AARS1: variants seen among roughly 807,000 people sequenced by gnomAD.
AARS1 encodes alanyl-tRNA synthetase 1, also known as alanine--tRNA ligase, cytoplasmic.
In AARS1, 72 loss-of-function variants were observed where a neutral mutation model predicts 108.9. The observed-to-expected ratio is 0.66, with a 90% CI of 0.55 to 0.80. AARS1 has a LOEUF of 0.80. Among genes scored for constraint, AARS1 ranks in the 30% least tolerant of loss-of-function variants. The pLI is 0.00. For synonymous variants in AARS1, 489 were observed against 465.7 expected, an observed-to-expected ratio of 1.05 and a Z score of -0.64; for missense variants, 1,193 against 1,233.2, an observed-to-expected ratio of 0.97 and a Z score of 0.49.
intron 14 of AARS1, among the ~76,000 whole-genome samples, chr16:70,258,730 T>G (rs1329365363): frequency 6.6e-6 from 1 of 152,168 alleles, no homozygotes; most frequent in Non-Finnish European, 1.5e-5. Context: ...CACGCCCGGC[T>G]AATTTTTTCT....
intron 17 of AARS1, 146 bp from the exon 18 acceptor site, chr16:70,254,184 G>A (rs185732910): frequency 8.7e-5 from 95 of 1,093,598 alleles, no homozygotes; most frequent in Admixed American, 7.5e-4. Flanking sequence ...CCCTTTAGGA[G>A]CAGCTGTGGC....
intron 12 of AARS1, 111 bp from the exon 13 acceptor site, chr16:70,261,268 GCA>G (rs561956505): frequency 8.1e-5 from 58 of 719,892 alleles, no homozygotes; most frequent in East Asian, 2.1e-4. Flanking sequence ...TATGTAAATT[GCA>G]CACACACACA....
intron 9 of AARS1, among the ~76,000 whole-genome samples, chr16:70,265,903 G>A (rs1211015969): frequency 1.3e-5 from 2 of 152,186 alleles, no homozygotes; most frequent in African/African-American, 2.4e-5. Context: ...CCTGGGCTGG[G>A]CACCGTGGCT....
Position 70,270,206 on chromosome 16 carries a change from G to C in AARS1, c.806C>G (p.Ala269Gly), listed in dbSNP as rs769239545. 3.1e-6 allele frequency: 5 copies of C among 1,613,996 alleles called. No individual in the cohort carries two copies. Among genetic ancestry groups the C allele is most frequent in the Non-Finnish European group, 4.2e-6 (5 of 1,180,032 alleles). ...DTDLFVPYFE[A>G]IQKGTGARPY... is the part of the protein sequence containing the mutation. ...CAATAGCACCAGTACCTTCTGAATG[G>C]CTTCAAAGTAAGGGACAAAAAGGTC... The change falls in exon 6 of 21, where the codon GCC becomes GGC. Residue 269 changes from alanine to glycine, a missense_variant. By Grantham distance (60) the Ala-to-Gly change is moderately conservative. Coordinates refer to ENST00000261772, the MANE Select transcript of AARS1 (RefSeq NM_001605.3).
At chr16:70,285,714 G>C (rs1368470379) in intron 1 of AARS1, among the ~76,000 whole-genome samples, 2 of 152,120 alleles carry the variant, frequency 1.3e-5, no homozygotes, top group African/African-American at 4.8e-5. Flanking sequence ...CTCCCAAAGT[G>C]CTAGGATTAC....
chr16:70,261,074 C>G lies in AARS1; in HGVS notation c.1755G>C (p.Val585=). Residue 585 remains valine, a synonymous_variant, in exon 13 of 21, where the codon GTG becomes GTC. Transcript: ENST00000261772. ...CAATAAACAGCCAGACCTGATCCCC[C>G]ACTTTCAGGTCACCGTAGATGGTTC... is the stretch of plus-strand genomic sequence containing the variant. The part of the protein sequence containing the change: ...HIGTIYGDLK[V]GDQVWLFIDE... 3 of 1,613,772 alleles carry G rather than the reference C, an allele frequency of 1.9e-6. No homozygotes were observed. The highest frequency in any genetic ancestry group is 2.5e-6 in the Non-Finnish European group (3 of 1,179,788).
At chr16:70,272,234 G>A (rs1199079068) in intron 4 of AARS1, among the ~76,000 whole-genome samples, 2 of 152,114 alleles carry the variant, frequency 1.3e-5, no homozygotes, top group East Asian at 3.8e-4. Context: ...GCTGGGCGTG[G>A]TGGCTCATGC....
intron 9 of AARS1, among the ~76,000 whole-genome samples, chr16:70,266,040 G>A (rs573086779): frequency 1.0e-4 from 15 of 148,844 alleles, no homozygotes; most frequent in Admixed American, 9.4e-4. Flanking sequence ...TTGGCCAGGC[G>A]CTGTGGCTCA....
chr16:70,288,821 C>A (rs1339610618), intron 1 of AARS1, among the ~76,000 whole-genome samples: 4 of 152,226 alleles, frequency 2.6e-5, no homozygotes. Flanking sequence ...CCCGCCTCGA[C>A]CTCCCAAAGC....
At chr16:70,267,528 C>T in intron 9 of AARS1, 131 bp downstream of exon 9, 2 of 1,181,894 alleles carry the variant, frequency 1.7e-6, no homozygotes, top group South Asian at 2.6e-5. Flanking sequence ...CAGTTTGCAC[C>T]AAAAGCAATT....
At chr16:70,271,461 G>T (rs1465342704) in intron 5 of AARS1, among the ~76,000 whole-genome samples, 1 of 150,586 alleles carries the variant, frequency 6.6e-6, no homozygotes, top group Non-Finnish European at 1.5e-5. Context: ...CCAGGGCACA[G>T]ATGTTGCAGT....
intron 4 of AARS1, among the ~76,000 whole-genome samples, chr16:70,274,648 C>T (rs1960493461): frequency 1.3e-5 from 2 of 149,082 alleles, no homozygotes; most frequent in Non-Finnish European, 3.0e-5. Flanking sequence ...TGCTTGAACC[C>T]AGGAGGCAGA....
rs561829699 is a variant in AARS1, at chr16:70,267,802, G to C, written c.1079C>G (p.Ala360Gly). 4 of 1,614,172 alleles carry C rather than the reference G, an allele frequency of 2.5e-6. No homozygotes were observed. The highest frequency in any genetic ancestry group is 1.7e-5 in the Admixed American group (1 of 60,016). The stretch of plus-strand genomic sequence containing the variant: ...TGGGTCCTTCTTCAGCTCAGGAAAT[G>C]CATCTCCCTGACAAAGGGGAAGCAA... ...VDVVVQSLGD[A>G]FPELKKDPDM... The change falls in exon 9 of 21, where the codon GCA (alanine) becomes GGA (glycine). Residue 360 changes from alanine to glycine, a missense_variant. Coordinates refer to ENST00000261772, the MANE Select transcript of AARS1 (RefSeq NM_001605.3).
chr16:70,276,519 TCTGCTTCTAAGCCAG>T lies in AARS1; in HGVS notation c.431_445del (p.Ala144_Ala148del). The T allele has an allele frequency of 1.9e-6, 3 of 1,614,112 alleles. No homozygotes were observed. The highest frequency in any genetic ancestry group is 2.5e-6 in the Non-Finnish European group (3 of 1,180,024). On this transcript the variant is annotated inframe_deletion, in exon 4 of 21. Coordinates refer to ENST00000261772, the MANE Select transcript of AARS1 (RefSeq NM_001605.3). ...TTGCCAGATCTGTTTGCATTCCAGATCTGCTTCTAAGCCAGCTGCTTCATCCCCGCCAAAGTAAGT... is the reference window on the plus strand; with the variant it reads ...TTGCCAGATCTGTTTGCATTCCAGATCTGCTTCATCCCCGCCAAAGTAAGT...
chr16:70,254,163 T>C (rs1399169144), intron 17 of AARS1, 125 bp from the exon 18 acceptor site: 5 of 1,295,446 alleles, frequency 3.9e-6, no homozygotes, highest in Admixed American at 1.7e-5. Flanking sequence ...AAGGAAAGCT[T>C]TGAGACCAGT....
intron 3 of AARS1, 113 bp from the exon 4 acceptor site, chr16:70,276,744 T>C: frequency 7.6e-7 from 1 of 1,312,290 alleles, no homozygotes; most frequent in Non-Finnish European, 1.1e-6. Context: ...CACTCTAAAT[T>C]CAAATTCAAG....
intron 2 of AARS1, among the ~76,000 whole-genome samples, chr16:70,279,624 C>T (rs916477242): frequency 1.4e-5 from 2 of 147,106 alleles, no homozygotes; most frequent in Non-Finnish European, 3.0e-5. Flanking sequence ...TTCACCATTG[C>T]ACTCCAGCCT....
chr16:70,289,304 C>T (rs1960971967), intron 1 of AARS1, 117 bp downstream of exon 1: 1 of 347,516 alleles, frequency 2.9e-6, no homozygotes, highest in Admixed American at 3.9e-5. Context: ...CCAGACTGGG[C>T]TTCTCCAGGC....
At chr16:70,254,345 C>A in intron 17 of AARS1, 1 of 580,810 alleles carries the variant, frequency 1.7e-6, no homozygotes, top group South Asian at 2.0e-5. Context: ...GAAGCAGGGG[C>A]CAGCCTTAGC....
Sources: allele counts gnomAD v4.1 joint callset (sites outside exome capture counted in the v4.1 genomes callset), GRCh38; gene constraint gnomAD v4.1.1; transcripts MANE v1.5; gene names NCBI Gene and HGNC (gene_info 2026-07-23, HGNC 2026-07-21).